MAU2: variants seen among roughly 807,000 people sequenced by gnomAD.
MAU2 encodes the protein MAU2 chromatid cohesion factor homolog.
In MAU2, 9 loss-of-function variants were observed where a neutral mutation model predicts 89.1. The ratio of observed to expected loss-of-function variants is 0.10; its 90% confidence interval spans 0.06 to 0.18. The LOEUF (loss-of-function observed/expected upper bound fraction) is 0.18. Among genes scored for constraint, MAU2 ranks in the 10% least tolerant of loss-of-function variants. MAU2 has a pLI of 1.00. For synonymous variants in MAU2, 357 were observed against 343.4 expected (o/e 1.04, Z -0.44); for missense variants, 425 against 803.5 (o/e 0.53, Z 5.69).
At chr19:19,349,686 C>A (rs2061725425) in intron 16 of MAU2, among the ~76,000 whole-genome samples, 1 of 152,152 alleles carries the variant, frequency 6.6e-6, no homozygotes, top group Non-Finnish European at 1.5e-5. Flanking sequence ...AGGCAGAGCC[C>A]CAGGGCTCAG....
rs556701402 is a variant in MAU2 at position 19,341,694 on chromosome 19, G to A, written c.735+287G>A. Reference sequence around the variant, plus strand: ...TGGATGCTCAGAGATTCCAATGGCAGTTCAGGGAATCATGAGAATAAACCA... The same window carrying A: ...TGGATGCTCAGAGATTCCAATGGCAATTCAGGGAATCATGAGAATAAACCA... On this transcript the variant is annotated intron_variant, in intron 7 of 18. Coordinates refer to ENST00000262815, the MANE Select transcript of MAU2 (RefSeq NM_015329.4). Among the ~76,000 whole-genome samples the A allele has an allele frequency of 6.6e-5, 10 of 152,348 alleles. No homozygotes were observed. The South Asian group carries it at 2.1e-3, about 32-fold the overall frequency.
intron 1 of MAU2, among the ~76,000 whole-genome samples, chr19:19,335,381 T>TG (rs2061588042): frequency 6.6e-6 from 1 of 152,204 alleles, no homozygotes; most frequent in African/African-American, 2.4e-5. Context: ...CTGGGGGCCT[T>TG]GCTGTGGCCA....
intron 10 of MAU2, 186 bp from the exon 11 acceptor site, chr19:19,344,663 C>A: frequency 1.6e-6 from 1 of 610,024 alleles, no homozygotes; most frequent in Non-Finnish European, 3.0e-6. Context: ...AGACAAGGGT[C>A]CCTGTCCACG....
At position 19,344,884 on chromosome 19, in the gene MAU2, C is replaced by T; in HGVS notation, c.1113C>T (p.Pro371=). Residue 371 remains proline, a synonymous_variant, in exon 11 of 19, where the codon CCC becomes CCT. Transcript: ENST00000262815. ...SQVCQLCQQS[P]RLFSNHAAQL... ...TCTGCCAGCTGTGCCAGCAGTCCCC[C>T]CGGCTCTTCTCCAACCATGCAGCAC... 1 of 1,613,846 alleles carries T rather than the reference C, an allele frequency of 6.2e-7. No homozygotes were observed. The highest frequency in any genetic ancestry group is 8.5e-7 in the Non-Finnish European group (1 of 1,179,998).
chr19:19,330,863 C>G (rs867064703), intron 1 of MAU2, among the ~76,000 whole-genome samples: 1 of 152,070 alleles, frequency 6.6e-6, no homozygotes, highest in Non-Finnish European at 1.5e-5. Flanking sequence ...CTGCACTCCC[C>G]CTGGGTGGCA....
chr19:19,357,754 A>T lies in MAU2; in HGVS notation c.*1972A>T, dbSNP rs2048195900. 1 of 152,172 alleles carries T rather than the reference A, an allele frequency of 6.6e-6. No homozygotes were observed. Among genetic ancestry groups the T allele is most frequent in the Non-Finnish European group, 1.5e-5 (1 of 68,018 alleles). The allele number at this position is 152,172 out of a possible 1,614,324, so 9.4% of individuals were successfully genotyped here. The stretch of plus-strand genomic sequence containing the variant: ...GTTTACAATTAAAAACTCAGTACTC[A>T]ATATTTAATATTCTACTCGAGCTTT... On this transcript the variant is annotated 3_prime_UTR_variant, in exon 19 of 19. Transcript: ENST00000262815.
Position 19,347,431 on chromosome 19 carries a change from G to T in MAU2, c.1308+65G>T, listed in dbSNP as rs796666563. The stretch of plus-strand genomic sequence containing the variant: ...TTCTCTTCTTTTTGGGGAACCAGGG[G>T]GTTGTCCTGGGCACCAGCACATCTC... On this transcript the variant is annotated intron_variant, in intron 13 of 18. Transcript: ENST00000262815. 16 of 1,310,002 alleles carry T rather than the reference G, an allele frequency of 1.2e-5. No homozygotes were observed. The African/African-American group carries it at 1.9e-4, about 15-fold the overall frequency. The allele number at this position is 1,310,002 out of a possible 1,614,324, so 81.1% of individuals were successfully genotyped here. A position where few individuals can be genotyped will look rare whatever the true frequency, so the allele number is the denominator to read the frequency against.
chr19:19,342,182 C>G (rs2061654686), intron 7 of MAU2, among the ~76,000 whole-genome samples: 1 of 152,154 alleles, frequency 6.6e-6, no homozygotes, highest in African/African-American at 2.4e-5. Flanking sequence ...AGGAAGCCAC[C>G]TCCCACCCCC....
At chr19:19,353,150 C>A (rs574651372) in intron 16 of MAU2, 1 of 152,312 alleles carries the variant, frequency 6.6e-6, no homozygotes, top group South Asian at 2.1e-4. Context: ...GCCTGTTAGG[C>A]TAGAGTGTCC....
At chr19:19,325,780 C>G (rs936736842) in intron 1 of MAU2, among the ~76,000 whole-genome samples, 2 of 152,122 alleles carry the variant, frequency 1.3e-5, no homozygotes, top group Non-Finnish European at 2.9e-5. Context: ...CCCGGCATCT[C>G]TCTGCTCTTC....
intron 16 of MAU2, among the ~76,000 whole-genome samples, chr19:19,350,769 A>G (rs537305870): frequency 2.0e-5 from 3 of 151,888 alleles, no homozygotes; most frequent in Non-Finnish European, 4.4e-5. Context: ...GCATGGTGGC[A>G]GGCGCCTGTA....
rs1226750282 is a variant in MAU2, at chr19:19,342,884, C to A, written c.973+18C>A. Reference sequence around the variant, plus strand: ...GCTCAAGAGTAAGTCAGGTGCTCGGCTGGCCACATGGCCACAGCGACCCCT... The same window carrying A: ...GCTCAAGAGTAAGTCAGGTGCTCGGATGGCCACATGGCCACAGCGACCCCT... On this transcript the variant is annotated intron_variant, in intron 9 of 18. Transcript: ENST00000262815. 1 of 1,612,688 alleles carries A rather than the reference C, an allele frequency of 6.2e-7. No homozygotes were observed. The highest frequency in any genetic ancestry group is 8.5e-7 in the Non-Finnish European group (1 of 1,179,624).
At chr19:19,344,653 A>T in intron 10 of MAU2, 196 bp from the exon 11 acceptor site, 2 of 604,036 alleles carry the variant, frequency 3.3e-6, no homozygotes, top group South Asian at 3.8e-5. Context: ...GACGAGTAAC[A>T]GACAAGGGTC....
Position 19,345,681 on chromosome 19 carries a change from G to C in MAU2, c.1221+312G>C, listed in dbSNP as rs1007075252. ...TTTGCGGCACCCACCCCCAAGGCTG[G>C]ATTGGCTCAAGTGTCAGCTGACAAC... is the stretch of plus-strand genomic sequence containing the variant. On this transcript the variant is annotated intron_variant, in intron 12 of 18. Coordinates refer to ENST00000262815, the MANE Select transcript of MAU2 (RefSeq NM_015329.4). The surrounding 1 kb of genome is among the most constrained non-coding windows in gnomAD (Gnocchi z 4.9). 2.0e-5 allele frequency among the ~76,000 whole-genome samples: 3 copies of C among 152,190 alleles called. No individual in the cohort carries two copies. Among genetic ancestry groups the C allele is most frequent in the Non-Finnish European group, 2.9e-5 (2 of 68,026 alleles).
At position 19,345,131 on chromosome 19, in the gene MAU2, C is replaced by T. The variant is rs1366585293; in HGVS notation, c.1156-173C>T. Reference sequence around the variant, plus strand: ...AGCATCTTGTCCCACCCCACATTGGCTTGGGTCTGAAAGGTGGGGACAGTG... The same window carrying T: ...AGCATCTTGTCCCACCCCACATTGGTTTGGGTCTGAAAGGTGGGGACAGTG... On this transcript the variant is annotated intron_variant, in intron 11 of 18. Coordinates refer to ENST00000262815, the MANE Select transcript of MAU2 (RefSeq NM_015329.4). The surrounding 1 kb of genome is among the most constrained non-coding windows in gnomAD (Gnocchi z 4.9). 2.8e-6 allele frequency: 2 copies of T among 726,232 alleles called. No homozygotes were observed. The highest frequency in any genetic ancestry group is 1.7e-5 in the African/African-American group (1 of 57,430). 45.0% of individuals were successfully genotyped at this position (726,232 alleles called of 1,614,324 possible).
intron 12 of MAU2, 134 bp from the exon 13 acceptor site, chr19:19,347,146 A>G (rs1227423253): frequency 2.6e-5 from 17 of 656,176 alleles, no homozygotes; most frequent in Non-Finnish European, 3.3e-5. Flanking sequence ...TTAGGAGGCA[A>G]AACAAGTGTG....
In MAU2 at chr19:19,338,872, G is replaced by T. The variant is rs763952936; in HGVS notation, c.484G>T (p.Val162Leu). ...AQLHTLEKDL[V>L]SACDLLGVGA... Reference sequence around the variant, plus strand: ...ACTGCACACGCTTGAGAAGGACCTGGTGTCGGCCTGTGACCTCCTGGGTGT... The same window carrying T: ...ACTGCACACGCTTGAGAAGGACCTGTTGTCGGCCTGTGACCTCCTGGGTGT... Residue 162 changes from valine to leucine, a missense_variant, in exon 5 of 19, where the codon GTG (valine) becomes TTG (leucine). By Grantham distance (32) the Val-to-Leu change is conservative (BLOSUM62 1). This residue lies in a region of MAU2 where 119 missense variants were observed against 299.8 expected (regional missense o/e 0.40). Coordinates refer to ENST00000262815, the MANE Select transcript of MAU2 (RefSeq NM_015329.4). 1 of 1,613,758 alleles carries T rather than the reference G, an allele frequency of 6.2e-7. No individual in the cohort carries two copies. Among genetic ancestry groups the T allele is most frequent in the South Asian group, 1.1e-5 (1 of 91,008 alleles).
Position 19,358,272 on chromosome 19 carries a change from C to T in MAU2, c.*2490C>T, listed in dbSNP as rs2146721685. 1 of 152,322 alleles carries T rather than the reference C, an allele frequency of 6.6e-6. No individual in the cohort carries two copies. The highest frequency in any genetic ancestry group is 1.5e-5 in the Non-Finnish European group (1 of 68,038). The allele number at this position is 152,322 out of a possible 1,614,324, so 9.4% of individuals were successfully genotyped here. On this transcript the variant is annotated 3_prime_UTR_variant, in exon 19 of 19. Coordinates refer to ENST00000262815, the MANE Select transcript of MAU2 (RefSeq NM_015329.4). ...GGCCAGACCCTCCTGTATGCCTCTG[C>T]CCTTGTCCTGTGGGTTGAGGGGGTC...
intron 10 of MAU2, chr19:19,344,143 G>A: frequency 1.8e-6 from 1 of 560,222 alleles, no homozygotes; most frequent in Non-Finnish European, 3.2e-6. Flanking sequence ...CGGGCGCAGT[G>A]GCTCACGCCT....
Sources: allele counts gnomAD v4.1 joint callset (sites outside exome capture counted in the v4.1 genomes callset), GRCh38; gene constraint gnomAD v4.1.1; regional missense constraint gnomAD v4.1.1; non-coding constraint Gnocchi (gnomAD v3.1); transcripts MANE v1.5; gene names NCBI Gene and HGNC (gene_info 2026-07-23, HGNC 2026-07-21).